MYO1H: variants seen among roughly 807,000 people sequenced by gnomAD.
MYO1H encodes myosin IH, also known as unconventional myosin-Ih.
A neutral mutation model predicts 149.3 loss-of-function variants in MYO1H; 118 were observed. That is an observed-to-expected ratio of 0.79 (90% CI 0.68 to 0.92). MYO1H has a LOEUF of 0.92. Ranked by LOEUF, MYO1H falls within the 40% of genes least tolerant of loss-of-function variation. The probability of loss-of-function intolerance (pLI) is 0.00; values close to 1 mark genes in which losing one functional copy is unlikely to be tolerated. For synonymous variants in MYO1H, 447 were observed against 465.2 expected (o/e 0.96, Z 0.50); for missense variants, 1,212 against 1,280.7 (o/e 0.95, Z 0.82).
chr12:109,401,213 G>A, exon 6 of MYO1H: 3 of 1,613,792 alleles, frequency 1.9e-6, no homozygotes, highest in Non-Finnish European at 2.5e-6. Flanking sequence ...TGGCGAAGAG[G>A]AGCGCCTGTC....
At chr12:109,346,147 C>G (rs1288896855), upstream of MYO1H, among the ~76,000 whole-genome samples, 1 of 152,152 alleles carries the variant, frequency 6.6e-6, no homozygotes, top group East Asian at 1.9e-4. Flanking sequence ...TGAAGATGTA[C>G]AGACACTTTT....
At chr12:109,363,997 T>C (rs910596256) in intron 1 of MYO1H, among the ~76,000 whole-genome samples, 3 of 151,596 alleles carry the variant, frequency 2.0e-5, no homozygotes, top group African/African-American at 7.3e-5. Context: ...GTTTGGAGTT[T>C]AAGACCAGCT....
intron 30 of MYO1H, among the ~76,000 whole-genome samples, chr12:109,444,834 C>T (rs1021723592): frequency 3.3e-5 from 5 of 151,438 alleles, no homozygotes; most frequent in African/African-American, 1.2e-4. Flanking sequence ...CACCACTGCA[C>T]TCCAGCCTGG....
chr12:109,408,174 TTTTTTA>T (rs1453137916), intron 10 of MYO1H, among the ~76,000 whole-genome samples: 1 of 152,182 alleles, frequency 6.6e-6, no homozygotes, highest in Non-Finnish European at 1.5e-5. Context: ...AAACTTTTTA[TTTTTTA>T]TTTTTATTTT....
At chr12:109,390,211 C>CT (rs545265874) in intron 2 of MYO1H, among the ~76,000 whole-genome samples, 7,704 of 139,736 alleles carry the variant, frequency 0.055, 233 homozygotes, top group Middle Eastern at 0.083. Flanking sequence ...ATCTTTTTTT[C>CT]TTTTTTTTTT....
At chr12:109,439,241 A>C (rs1272678282) in intron 23 of MYO1H, among the ~76,000 whole-genome samples, 1 of 151,938 alleles carries the variant, frequency 6.6e-6, no homozygotes, top group East Asian at 1.9e-4. Context: ...CACCCGGCTA[A>C]ATTTTTTGTA....
intron 13 of MYO1H, 138 bp from the exon 14 acceptor site, chr12:109,411,756 C>G (rs1239009957): frequency 6.8e-6 from 4 of 587,016 alleles, no homozygotes; most frequent in Non-Finnish European, 1.2e-5. Flanking sequence ...CCTTCTTCCC[C>G]CCAGAATGTT....
chr12:109,443,452 G>C, intron 27 of MYO1H, 62 bp from the exon 28 acceptor site: 3 of 1,584,910 alleles, frequency 1.9e-6, no homozygotes, highest in Admixed American at 1.7e-5. Flanking sequence ...ACCGGTGTCT[G>C]AGTAGCAAGA....
At chr12:109,426,193 T>C (rs922169503) in intron 18 of MYO1H, 142 bp downstream of exon 18, 11 of 679,266 alleles carry the variant, frequency 1.6e-5, no homozygotes, top group African/African-American at 1.1e-4. Flanking sequence ...TTCTAAATGA[T>C]AGAAGTTGGC....
chr12:109,350,454 TC>T (rs1322450989), intron 1 of MYO1H, among the ~76,000 whole-genome samples: 3 of 152,196 alleles, frequency 2.0e-5, no homozygotes, highest in Non-Finnish European at 4.4e-5. Flanking sequence ...GAAACCCCCT[TC>T]GCTTGGCTCT....
the MYO1H span, among the ~76,000 whole-genome samples, chr12:109,333,855 C>A: frequency 4.6e-5 from 7 of 152,108 alleles, no homozygotes; most frequent in African/African-American, 1.7e-4. Context: ...TGTTAAGGGG[C>A]ACCTGTAGAA....
chr12:109,348,408 T>C (rs532356864), intron 1 of MYO1H, among the ~76,000 whole-genome samples: 2 of 152,324 alleles, frequency 1.3e-5, no homozygotes, highest in East Asian at 3.9e-4. Flanking sequence ...TAGTGGCTAC[T>C]GTGTTAGCAT....
At chr12:109,333,390 C>T in the MYO1H span, among the ~76,000 whole-genome samples, 1 of 152,046 alleles carries the variant, frequency 6.6e-6, no homozygotes, top group Non-Finnish European at 1.5e-5. Context: ...TCTCTGAGGA[C>T]TCATGGTGCA....
chr12:109,344,547 T>C (rs1438124091), upstream of MYO1H, among the ~76,000 whole-genome samples: 1 of 152,206 alleles, frequency 6.6e-6, no homozygotes, highest in Non-Finnish European at 1.5e-5. Flanking sequence ...ATCATTAGAA[T>C]GTCAATACTC....
chr12:109,427,909 A>AAAAAAAAAATATAT (rs1555254298), intron 19 of MYO1H, among the ~76,000 whole-genome samples: 1 of 16,416 alleles, frequency 6.1e-5, no homozygotes, highest in African/African-American at 3.1e-4. Flanking sequence ...AAAAAAAAAA[A>AAAAAAAAAATATAT]ATATATATAT....
At chr12:109,423,843 GA>G (rs1206469041) in intron 16 of MYO1H, among the ~76,000 whole-genome samples, 1 of 152,156 alleles carries the variant, frequency 6.6e-6, no homozygotes, top group African/African-American at 2.4e-5. Context: ...CCTATGTAGG[GA>G]AAATATTTTT....
intron 1 of MYO1H, among the ~76,000 whole-genome samples, chr12:109,365,010 A>G (rs909677753): frequency 3.3e-5 from 5 of 152,188 alleles, no homozygotes; most frequent in Admixed American, 1.3e-4. Flanking sequence ...GTGGTTCACA[A>G]CTATAATCCC....
At chr12:109,415,780 A>T (rs1193708806) in intron 15 of MYO1H, among the ~76,000 whole-genome samples, 160 bp downstream of exon 15, 1 of 152,096 alleles carries the variant, frequency 6.6e-6, no homozygotes, top group Non-Finnish European at 1.5e-5. Context: ...TGTATTTATT[A>T]TTTTTGTAAA....
At chr12:109,442,512 T>A (rs916714289) in intron 27 of MYO1H, among the ~76,000 whole-genome samples, 1 of 152,222 alleles carries the variant, frequency 6.6e-6, no homozygotes, top group African/African-American at 2.4e-5. Context: ...TTTGCTTTCC[T>A]ACAAAATTGA....
Sources: gnomAD v4.1 joint callset for allele counts (sites outside exome capture counted in the v4.1 genomes callset) on GRCh38, gnomAD v4.1.1 for gene constraint, MANE v1.5 for transcripts, NCBI Gene and HGNC (gene_info 2026-07-23, HGNC 2026-07-21) for gene names.